XIST: variants seen among roughly 807,000 people sequenced by gnomAD.
XIST encodes the protein X inactive specific transcript.
intron 1 of XIST, among the ~76,000 whole-genome samples, chrX:73,838,276 T>C (rs1456785879): frequency 3.6e-5 from 4 of 111,314 alleles, no homozygotes; most frequent in Non-Finnish European, 7.6e-5. Context: ...TACAGTGATG[T>C]TCCAGTCATA....
exon 6 of XIST, chrX:73,822,239 A>G (rs1229979923): frequency 1.8e-6 from 1 of 558,471 alleles, no homozygotes; most frequent in Non-Finnish European, 3.2e-6. Flanking sequence ...AGTGTCTATT[A>G]TAAGGAGAGT....
rs188351213 is a variant in XIST, at chrX:73,832,941, G to A, written n.11543+297C>T. ...TCTGCCACCTAGGCTGGAGTGCAGT[G>A]GCTAATGATGGCTCACTGCAGCCTT... On this transcript the variant is annotated intron_variant and non_coding_transcript_variant, in intron 3 of 5. Coordinates refer to ENST00000429829, the Ensembl canonical transcript of XIST. Among the ~76,000 whole-genome samples, 4 of 111,543 alleles carry A rather than the reference G, an allele frequency of 3.6e-5. No homozygotes were observed. In the Admixed American group the frequency reaches 3.8e-4, roughly 11 times the overall value.
chrX:73,831,667 T>C (rs1288086862), intron 3 of XIST, among the ~76,000 whole-genome samples: 6 of 111,591 alleles, frequency 5.4e-5, no homozygotes, highest in Non-Finnish European at 1.1e-4. Flanking sequence ...TTGAAACTAA[T>C]GGAAGGAGAA....
At chrX:73,833,785 C>T (rs1395991086) in intron 2 of XIST, 1 of 116,503 alleles carries the variant, frequency 8.6e-6, no homozygotes, top group Non-Finnish European at 1.8e-5. Context: ...CATAGGAGCT[C>T]ACTAAAGGGG....
Position 73,822,519 on chromosome X carries a change from G to GA in XIST, n.17381dup, listed in dbSNP as rs760347061. The GA allele has an allele frequency of 3.5e-3, 1,764 of 510,395 alleles. 3 individuals carry two copies. The highest frequency in any genetic ancestry group is 4.7e-3 in the South Asian group (189 of 40,097). The allele number at this position is 510,395 out of a possible 1,213,427, so 42.1% of individuals were successfully genotyped here. A position where few individuals can be genotyped will look rare whatever the true frequency, so the allele number is the denominator to read the frequency against. ...ATATTTGTAGAATGAATGAATACATGAAAAAAAATAAACAGTAACCTTTCT... is the reference window on the plus strand; with the variant it reads ...ATATTTGTAGAATGAATGAATACATGAAAAAAAAATAAACAGTAACCTTTCT... On this transcript the variant is annotated non_coding_transcript_exon_variant, in exon 6 of 6. Transcript: ENST00000429829.
At chrX:73,827,765 G>C in exon 6 of XIST, 2 of 544,789 alleles carry the variant, frequency 3.7e-6, no homozygotes, top group Non-Finnish European at 6.6e-6. Context: ...AAGCGTGAAA[G>C]AAGAGCCACA....
chrX:73,845,499 A>AAAGG (rs774639638), exon 1 of XIST: 12 of 556,182 alleles, frequency 2.2e-5, no homozygotes, highest in Non-Finnish European at 2.9e-5. Flanking sequence ...GGTGGAAGGG[A>AAAGG]AAGGAAGATT....
chrX:73,821,826 G>C, exon 6 of XIST: 1 of 532,331 alleles, frequency 1.9e-6, no homozygotes, highest in East Asian at 3.4e-5. Flanking sequence ...ACTTAAGCAT[G>C]GTAAAATGTT....
exon 1 of XIST, chrX:73,842,666 A>G (rs1167923642): frequency 1.8e-6 from 1 of 556,267 alleles, no homozygotes; most frequent in Non-Finnish European, 3.2e-6. Context: ...GGTAGTCAGC[A>G]TACTCAGAAG....
At chrX:73,823,557 C>G in exon 6 of XIST, 1 of 557,845 alleles carries the variant, frequency 1.8e-6, no homozygotes, top group South Asian at 2.2e-5. Flanking sequence ...AAAAAGCACG[C>G]CTGAGGCATT....
exon 6 of XIST, chrX:73,824,976 T>C: frequency 1.9e-6 from 1 of 519,984 alleles, no homozygotes; most frequent in Admixed American, 2.6e-5. Flanking sequence ...TAATATTCAT[T>C]CATCCATTCA....
At chrX:73,825,453 G>C (rs1922228715) in exon 6 of XIST, 1 of 530,761 alleles carries the variant, frequency 1.9e-6, no homozygotes, top group African/African-American at 2.3e-5. Flanking sequence ...TTTTTTTTCA[G>C]GTCACCTAGA....
At chrX:73,845,769 C>T in exon 1 of XIST, 1 of 342,885 alleles carries the variant, frequency 2.9e-6, no homozygotes, top group Non-Finnish European at 5.4e-6. Context: ...ATGTAATGAT[C>T]TTATGGAGGG....
chrX:73,821,378 T>G (rs755465940), exon 6 of XIST: 1 of 555,903 alleles, frequency 1.8e-6, no homozygotes, highest in Non-Finnish European at 3.3e-6. Flanking sequence ...TTGAAGCATA[T>G]TTTGGCTTCA....
exon 1 of XIST, chrX:73,844,634 T>C (rs762546401): frequency 1.8e-6 from 1 of 558,098 alleles, no homozygotes; most frequent in Admixed American, 2.2e-5. Context: ...AAAAGAAAGA[T>C]TATGCGTAGA....
rs1922800405 is a variant in XIST at position 73,847,372 on chromosome X, G to A, written n.5352C>T. ...TCCTGCTGCTTTGCCAAGGAGGTGT[G>A]AGGGGGATGGGATTCCAGGGCAATT... On this transcript the variant is annotated non_coding_transcript_exon_variant, in exon 1 of 6. Transcript: ENST00000429829. The A allele has an allele frequency of 7.7e-6, 4 of 516,382 alleles. No individual in the cohort carries two copies. The South Asian group carries it at 9.8e-5, about 13-fold the overall frequency. 42.6% of individuals were successfully genotyped at this position (516,382 alleles called of 1,213,427 possible). A position where few individuals can be genotyped will look rare whatever the true frequency, so the allele number is the denominator to read the frequency against.
At chrX:73,849,125 A>C (rs748018502) in exon 1 of XIST, 1 of 557,832 alleles carries the variant, frequency 1.8e-6, no homozygotes, top group African/African-American at 2.2e-5. Context: ...CGCTGCCTCA[A>C]GGCAAATGCA....
chrX:73,839,489 G>A (rs1264849845), intron 1 of XIST, among the ~76,000 whole-genome samples: 1 of 111,250 alleles, frequency 9.0e-6, no homozygotes, highest in East Asian at 2.8e-4. Context: ...TCTCGAGATG[G>A]TCAGATTGAT....
exon 1 of XIST, chrX:73,843,127 C>T (rs959599803): frequency 7.2e-6 from 4 of 556,205 alleles, no homozygotes; most frequent in Non-Finnish European, 1.3e-5. Flanking sequence ...AGGGAGAAAA[C>T]CATTGATAAC....
Sources: gnomAD v4.1 joint callset for allele counts (sites outside exome capture counted in the v4.1 genomes callset) on GRCh38, gnomAD v4.1.1 for gene constraint, MANE v1.5 for transcripts, NCBI Gene and HGNC (gene_info 2026-07-23, HGNC 2026-07-21) for gene names.